Variants in RP1L1 observed in about 807,000 individuals in gnomAD.
The protein encoded by RP1L1 is RP1 like 1.
Under a neutral mutation model 15.7 loss-of-function variants are expected in RP1L1, and 27 were observed. That is an observed-to-expected ratio of 1.72 (90% confidence interval 1.27 to 2.38). RP1L1 has a LOEUF of 2.38. RP1L1 is among the 30% of genes most tolerant of loss of function. RP1L1 has a pLI of 0.00. For synonymous variants in RP1L1, 1,813 were observed against 1,276.7 expected, an observed-to-expected ratio of 1.42 and a Z score of -8.96; for missense variants, 4,798 against 3,075.9, an observed-to-expected ratio of 1.56 and a Z score of -13.24.
At position 10,611,505 on chromosome 8, in the gene RP1L1, T is replaced by G; in HGVS notation, c.2593A>C (p.Arg865=). The G allele has an allele frequency of 6.3e-7, 1 of 1,576,984 alleles. No individual in the cohort carries two copies. Among genetic ancestry groups the G allele is most frequent in the Non-Finnish European group, 8.6e-7 (1 of 1,163,266 alleles). The change falls in exon 4 of 4, where the codon AGG becomes CGG. Residue 865 remains arginine (R), a synonymous_variant. Transcript: ENST00000382483. ...GTGCTCCCACAGCTGGAAGAGCGCC[T>G]CTGGGGGCAGGGCCGCCCCCTGGGC... ...TPPRGRPCPQ[R]RSSSCGSTGS...
At chr8:10,633,261 C>T (rs148207321) in intron 1 of RP1L1, among the ~76,000 whole-genome samples, 3 of 152,280 alleles carry the variant, frequency 2.0e-5, no homozygotes, top group Non-Finnish European at 4.4e-5. Context: ...AGCAGAGATG[C>T]TGACCTCTCT....
chr8:10,619,312 T>C (rs367762006), intron 2 of RP1L1, among the ~76,000 whole-genome samples: 2 of 152,356 alleles, frequency 1.3e-5, no homozygotes, highest in African/African-American at 4.8e-5. Flanking sequence ...CCATCTTCCT[T>C]TTGTTCCTGA....
rs1798618589 is a variant in RP1L1 at position 10,655,042 on chromosome 8, C to A, written c.-164G>T. The A allele has an allele frequency of 6.5e-6, 1 of 152,796 alleles. No individual in the cohort carries two copies. The highest frequency in any genetic ancestry group is 1.5e-5 in the Non-Finnish European group (1 of 68,142). The allele number at this position is 152,796 out of a possible 1,614,324, so 9.5% of individuals were successfully genotyped here. The stretch of plus-strand genomic sequence containing the variant: ...GGGCAGCAGGGCTGGCCACCCTCCT[C>A]CGGACAGTCCTCGGGGCCACTCTCC... On this transcript the variant is annotated 5_prime_UTR_variant, in exon 1 of 4. Coordinates refer to ENST00000382483, the MANE Select transcript of RP1L1 (RefSeq NM_178857.6).
chr8:10,643,852 G>A (rs1798439800), intron 1 of RP1L1, among the ~76,000 whole-genome samples: 2 of 152,102 alleles, frequency 1.3e-5, no homozygotes, highest in South Asian at 4.2e-4. Flanking sequence ...TAGTGCCATG[G>A]AAATTCAGGG....
intron 2 of RP1L1, among the ~76,000 whole-genome samples, chr8:10,617,546 CTTTTTTTTTTT>C (rs777209714): frequency 1.7e-3 from 105 of 63,398 alleles, no homozygotes; most frequent in African/African-American, 6.0e-3. Context: ...GTTTCTTTTT[CTTTTTTTTTTT>C]TTTTTTTTTT....
In RP1L1 at chr8:10,612,969, A is replaced by C; in HGVS notation, c.1129T>G (p.Ser377Ala). ...CGGGGTCCCCACACCCCAGGCTCTG[A>C]GAAGCCCCAAGGGTAGCCCTCCCAC... Reference protein sequence around the residue: ...CVWEGYPWGFSEPGVWGPRPC... With the variant: ...CVWEGYPWGFAEPGVWGPRPC... The change falls in exon 4 of 4, where the codon TCA (serine) becomes GCA (alanine). Residue 377 changes from serine to alanine, a missense_variant. By Grantham distance (99) the Ser-to-Ala change is moderately conservative. Transcript: ENST00000382483. The C allele has an allele frequency of 1.2e-6, 2 of 1,613,130 alleles. No homozygotes were observed. Among genetic ancestry groups the C allele is most frequent in the Non-Finnish European group, 1.7e-6 (2 of 1,179,918 alleles).
chr8:10,621,860 C>G (rs759451023), intron 2 of RP1L1: 15 of 442,864 alleles, frequency 3.4e-5, no homozygotes, highest in Admixed American at 7.2e-5. Context: ...CCTGCACATG[C>G]TGGGAGCCAT....
chr8:10,622,514 A>G (rs773630666), intron 2 of RP1L1, 79 bp downstream of exon 2: 23 of 1,590,510 alleles, frequency 1.4e-5, no homozygotes, highest in East Asian at 2.2e-5. Flanking sequence ...TTAAGGAATA[A>G]TCTCTCTCTT....
chr8:10,615,185 C>G (rs965902546), intron 3 of RP1L1, among the ~76,000 whole-genome samples: 4 of 152,142 alleles, frequency 2.6e-5, no homozygotes, highest in Non-Finnish European at 5.9e-5. Flanking sequence ...GGGCCTCCAG[C>G]ACCTGACCTA....
At chr8:10,645,598 G>A (rs941188870) in intron 1 of RP1L1, among the ~76,000 whole-genome samples, 4 of 152,162 alleles carry the variant, frequency 2.6e-5, no homozygotes, top group East Asian at 3.9e-4. Flanking sequence ...CAGGTAACTC[G>A]GAAGCACAGC....
intron 1 of RP1L1, among the ~76,000 whole-genome samples, chr8:10,630,982 G>A (rs1214702118): frequency 2.0e-5 from 3 of 152,188 alleles, no homozygotes; most frequent in South Asian, 2.1e-4. Flanking sequence ...CCCTTTGCAG[G>A]TAGAGTCTTG....
chr8:10,609,331 C>T lies in RP1L1; in HGVS notation c.4767G>A (p.Glu1589=), dbSNP rs1367831267. 1.9e-6 allele frequency: 3 copies of T among 1,611,990 alleles called. No homozygotes were observed. Among genetic ancestry groups the T allele is most frequent in the South Asian group, 2.2e-5 (2 of 91,028 alleles). Residue 1589 remains glutamate, a synonymous_variant, in exon 4 of 4, where the codon GAG becomes GAA. Transcript: ENST00000382483. ...LQGRAGRMVL[E]PPREALTGEL... ...CCCCGGTGAGGGCCTCCCTTGGAGG[C>T]TCCAGCACCATCCTACCCGCCCGGC...
rs1349777057 is a variant in RP1L1, at chr8:10,607,664, G to T, written c.6434C>A (p.Ser2145Ter). Residue 2145 changes from serine (S) to a stop codon, truncating the protein, a stop_gained, in exon 4 of 4, where the codon TCA (serine) becomes TAA (stop). Coordinates refer to ENST00000382483, the MANE Select transcript of RP1L1 (RefSeq NM_178857.6). LOFTEE classifies it low-confidence loss of function (END_TRUNC). Reference protein sequence around the residue: ...PEAEGEAQPESEGVEAQDAEG... With the variant: ...PEAEGEAQPE ...TGCATCCTGGGCCTCTACACCTTCTGACTCAGGCTGGGCCTCCCCTTCAGC... is the reference window on the plus strand; with the variant it reads ...TGCATCCTGGGCCTCTACACCTTCTTACTCAGGCTGGGCCTCCCCTTCAGC... The T allele has an allele frequency of 6.3e-7, 1 of 1,579,750 alleles. No individual in the cohort carries two copies. The highest frequency in any genetic ancestry group is 1.8e-5 in the Admixed American group (1 of 56,524).
intron 1 of RP1L1, among the ~76,000 whole-genome samples, chr8:10,626,274 T>C (rs1469113286): frequency 6.6e-6 from 1 of 151,872 alleles, no homozygotes; most frequent in African/African-American, 2.4e-5. Context: ...CAGGAGAGAA[T>C]GCAAGTGGCA....
rs1464811550 is a variant in RP1L1 at position 10,631,347 on chromosome 8, A to G, written c.-19-8127T>C. On this transcript the variant is annotated intron_variant, in intron 1 of 3. Coordinates refer to ENST00000382483, the MANE Select transcript of RP1L1 (RefSeq NM_178857.6). ...CGCACACACACATGCACACACACGC[A>G]CACACATGCACACAAACACACATGC... Among the ~76,000 whole-genome samples, 7 of 53,020 alleles carry G rather than the reference A, an allele frequency of 1.3e-4. No homozygotes were observed. In the South Asian group the frequency reaches 4.8e-3, roughly 36 times the overall value. The allele number at this position is 53,020 out of a possible 152,430, so 34.8% of individuals were successfully genotyped here.
At position 10,610,713 on chromosome 8, in the gene RP1L1, C is replaced by A; in HGVS notation, c.3385G>T (p.Glu1129Ter). 6.2e-7 allele frequency: 1 copy of A among 1,613,626 alleles called. No individual in the cohort carries two copies. The highest frequency in any genetic ancestry group is 8.5e-7 in the Non-Finnish European group (1 of 1,180,046). Reference sequence around the variant, plus strand: ...CTGGCAGGAGACCCAAGGTCTTCCTCAAATAACTGCAGACTGGCCAGACAA... The same window carrying A: ...CTGGCAGGAGACCCAAGGTCTTCCTAAAATAACTGCAGACTGGCCAGACAA... ...ITCLASLQLF[E>*]EDLGSPASKV... The change falls in exon 4 of 4, where the codon GAG becomes TAG. Residue 1129 changes from glutamate (E) to a stop codon, truncating the protein, a stop_gained. Transcript: ENST00000382483. LOFTEE classifies it low-confidence loss of function (END_TRUNC).
At chr8:10,636,799 G>T (rs1002608905) in intron 1 of RP1L1, among the ~76,000 whole-genome samples, 2 of 152,224 alleles carry the variant, frequency 1.3e-5, no homozygotes, top group African/African-American at 4.8e-5. Flanking sequence ...CCCAGCAGCA[G>T]ATCAGAACCG....
intron 2 of RP1L1, among the ~76,000 whole-genome samples, chr8:10,619,678 G>A (rs1798027694): frequency 6.6e-6 from 1 of 152,096 alleles, no homozygotes; most frequent in Admixed American, 6.5e-5. Context: ...TGTAATCCCA[G>A]CACTTTAGAA....
In RP1L1 at chr8:10,622,749, G is replaced by A. The variant is rs755515543; in HGVS notation, c.453C>T (p.Pro151=). 4 of 1,614,118 alleles carry A rather than the reference G, an allele frequency of 2.5e-6. No homozygotes were observed. The highest frequency in any genetic ancestry group is 1.7e-4 in the Middle Eastern group (1 of 6,060). Residue 151 remains proline, a synonymous_variant, in exon 2 of 4, where the codon CCC becomes CCT. Coordinates refer to ENST00000382483, the MANE Select transcript of RP1L1 (RefSeq NM_178857.6). ...TSSSRKSLKT[P]RRILLIKNMD... ...TGTTCTTAATCAGCAGTATCCTCCG[G>A]GGGGTTTTAAGACTCTTCCGGGAGG...
Sources: gnomAD v4.1 joint callset for allele counts (sites outside exome capture counted in the v4.1 genomes callset) on GRCh38, gnomAD v4.1.1 for gene constraint, MANE v1.5 for transcripts, NCBI Gene and HGNC (gene_info 2026-07-23, HGNC 2026-07-21) for gene names.